The following KLHL20 variants were observed in gnomAD, a reference collection of about 807,000 sequenced individuals.
KLHL20 encodes kelch like family member 20, also known as kelch-like protein 20.
In KLHL20, 29 loss-of-function variants were observed where a neutral mutation model predicts 69.5. The observed-to-expected ratio is 0.42, with a 90% CI of 0.31 to 0.57. The LOEUF (loss-of-function observed/expected upper bound fraction) is 0.57, where lower values mean the gene tolerates loss of function less well. KLHL20 is among the 20% of genes least tolerant of loss of function. KLHL20 has a pLI of 0.18. For missense variants in KLHL20, 419 were observed against 776.0 expected, an observed-to-expected ratio of 0.54 and a Z score of 5.47; for synonymous variants, 253 against 265.2, an observed-to-expected ratio of 0.95 and a Z score of 0.45.
At chr1:173,775,003 G>A (rs1362745569) in intron 9 of KLHL20, among the ~76,000 whole-genome samples, 2 of 152,170 alleles carry the variant, frequency 1.3e-5, no homozygotes, top group East Asian at 3.9e-4. Flanking sequence ...TAGAGATGGG[G>A]TTTCGCTGTG....
At chr1:173,751,578 A>C (rs971904156) in intron 3 of KLHL20, among the ~76,000 whole-genome samples, 186 bp from the exon 4 acceptor site, 1 of 152,150 alleles carries the variant, frequency 6.6e-6, no homozygotes, top group African/African-American at 2.4e-5. Flanking sequence ...GATTATTTTT[A>C]CTAAATTTTA....
chr1:173,733,572 A>G, intron 2 of KLHL20, 141 bp from the exon 3 acceptor site: 1 of 708,250 alleles, frequency 1.4e-6, no homozygotes, highest in Non-Finnish European at 2.3e-6. Flanking sequence ...ACACAGTGAG[A>G]CATCATCTCT....
At chr1:173,758,266 C>T (rs1482732417) in intron 7 of KLHL20, among the ~76,000 whole-genome samples, 1 of 150,010 alleles carries the variant, frequency 6.7e-6, no homozygotes, top group Non-Finnish European at 1.5e-5. Flanking sequence ...GCAAGACTCT[C>T]TCAAAAAAAA....
Position 173,785,279 on chromosome 1 carries a change from C to T in KLHL20, c.*32C>T, listed in dbSNP as rs773746045. The T allele has an allele frequency of 2.0e-6, 3 of 1,500,912 alleles. No individual in the cohort carries two copies. The highest frequency in any genetic ancestry group is 2.7e-6 in the Non-Finnish European group (3 of 1,100,482). 93.0% of individuals were successfully genotyped at this position (1,500,912 alleles called of 1,614,324 possible). ...AGAAGACAGTCTTGTATATATTCCT[C>T]TGTATTCTGGGGAGCTTTGACCTTG... On this transcript the variant is annotated 3_prime_UTR_variant, in exon 12 of 12. Coordinates refer to ENST00000209884, the MANE Select transcript of KLHL20 (RefSeq NM_014458.4).
chr1:173,735,011 A>G (rs1672459036), intron 3 of KLHL20, among the ~76,000 whole-genome samples: 1 of 152,254 alleles, frequency 6.6e-6, no homozygotes, highest in Admixed American at 6.5e-5. Context: ...CAAAATCCCA[A>G]GACATTAAAA....
At chr1:173,754,048 G>A (rs1673427091) in intron 5 of KLHL20, among the ~76,000 whole-genome samples, 1 of 148,220 alleles carries the variant, frequency 6.7e-6, no homozygotes, top group African/African-American at 2.7e-5. Context: ...AAACTACACT[G>A]ACCTTTGAAC....
intron 3 of KLHL20, among the ~76,000 whole-genome samples, chr1:173,748,050 C>T (rs1350136147): frequency 9.1e-6 from 1 of 110,174 alleles, no homozygotes; most frequent in East Asian, 3.1e-4. Flanking sequence ...CAACATTTTA[C>T]CTATAAATTC....
At chr1:173,772,917 T>C (rs539437652) in intron 8 of KLHL20, among the ~76,000 whole-genome samples, 1 of 152,276 alleles carries the variant, frequency 6.6e-6, no homozygotes, top group South Asian at 2.1e-4. Flanking sequence ...CTAAAACAGA[T>C]GAATTGCAGG....
chr1:173,715,965 A>G (rs1383636446), intron 1 of KLHL20, 38 bp from the exon 2 acceptor site: 5 of 1,399,338 alleles, frequency 3.6e-6, no homozygotes, highest in Non-Finnish European at 5.0e-6. Flanking sequence ...AAGATCAGAA[A>G]TAGCTTTTAT....
intron 9 of KLHL20, 54 bp downstream of exon 9, chr1:173,774,492 A>G (rs1167844226): frequency 6.3e-7 from 1 of 1,599,112 alleles, no homozygotes; most frequent in African/African-American, 1.3e-5. Flanking sequence ...ATTTTCCTGG[A>G]GAGTCCTCCT....
At chr1:173,719,711 T>C (rs1170537321) in intron 2 of KLHL20, among the ~76,000 whole-genome samples, 1 of 152,134 alleles carries the variant, frequency 6.6e-6, no homozygotes, top group East Asian at 1.9e-4. Flanking sequence ...TTTTTGCCCT[T>C]AGAGTTACAC....
At chr1:173,777,984 G>A (rs887526351) in intron 10 of KLHL20, among the ~76,000 whole-genome samples, 2 of 152,270 alleles carry the variant, frequency 1.3e-5, no homozygotes, top group African/African-American at 2.4e-5. Context: ...GATAGGATTA[G>A]TATTAATTCT....
intron 10 of KLHL20, among the ~76,000 whole-genome samples, chr1:173,780,857 G>A (rs775562973): frequency 6.6e-6 from 1 of 151,994 alleles, no homozygotes; most frequent in Non-Finnish European, 1.5e-5. Flanking sequence ...AGCCTCCCGA[G>A]TAGCTAGGAC....
intron 8 of KLHL20, among the ~76,000 whole-genome samples, chr1:173,766,842 A>T (rs1330255157): frequency 6.6e-6 from 1 of 152,140 alleles, no homozygotes. Context: ...TGATGTTTTG[A>T]AATATGTATA....
chr1:173,736,681 C>T (rs147578409), intron 3 of KLHL20, among the ~76,000 whole-genome samples: 203 of 151,702 alleles, frequency 1.3e-3, no homozygotes, highest in African/African-American at 4.6e-3. Flanking sequence ...CTGCAACCTC[C>T]GCCTCCCGGG....
chr1:173,781,054 GGGGGA>G (rs143911722), intron 10 of KLHL20, among the ~76,000 whole-genome samples: 28,275 of 143,240 alleles, frequency 0.2, 2,924 homozygotes, highest in Middle Eastern at 0.37. Flanking sequence ...GGAGGGAGGT[GGGGGA>G]GGGGAGGGGA....
At chr1:173,742,701 CATATACATATGTACACATGTATGT>C (rs1340482438) in intron 3 of KLHL20, among the ~76,000 whole-genome samples, 2 of 149,636 alleles carry the variant, frequency 1.3e-5, no homozygotes, top group Non-Finnish European at 1.5e-5. Context: ...TATATGTGTA[CATATACATATGTACACATGTATGT>C]ATATACATGT....
In KLHL20 at chr1:173,731,418, G is replaced by A. The variant is rs528315252; in HGVS notation, c.24-2295G>A. ...TGCTGCTATAAAGACACATGCACACGTATGTTCATTGTGGCACTATTCACA... is the reference window on the plus strand; with the variant it reads ...TGCTGCTATAAAGACACATGCACACATATGTTCATTGTGGCACTATTCACA... On this transcript the variant is annotated intron_variant, in intron 2 of 11. Transcript: ENST00000209884. Among the ~76,000 whole-genome samples the A allele has an allele frequency of 6.6e-5, 10 of 152,196 alleles. No homozygotes were observed. The South Asian group carries it at 1.7e-3, about 25-fold the overall frequency.
chr1:173,735,091 A>G (rs1386552251), intron 3 of KLHL20, among the ~76,000 whole-genome samples: 1 of 152,244 alleles, frequency 6.6e-6, no homozygotes, highest in Non-Finnish European at 1.5e-5. Context: ...AGAGGATGTT[A>G]CATAGTGATT....
Sources: allele counts gnomAD v4.1 joint callset (sites outside exome capture counted in the v4.1 genomes callset), GRCh38; gene constraint gnomAD v4.1.1; transcripts MANE v1.5; gene names NCBI Gene and HGNC (gene_info 2026-07-23, HGNC 2026-07-21).